Variants in INTU observed in about 807,000 individuals in gnomAD.
INTU encodes the protein inturned planar cell polarity protein.
INTU carries 68 observed loss-of-function variants against 100.5 expected under a neutral mutation model. The observed-to-expected ratio is 0.68, with a 90% CI of 0.56 to 0.83. The LOEUF (loss-of-function observed/expected upper bound fraction) is 0.83, where lower values mean the gene tolerates loss of function less well. Ranked by LOEUF, INTU falls within the 40% of genes least tolerant of loss-of-function variation. INTU has a pLI of 0.00. For synonymous variants in INTU, 357 were observed against 395.7 expected, an observed-to-expected ratio of 0.90 and a Z score of 1.16; for missense variants, 1,071 against 1,114.7, an observed-to-expected ratio of 0.96 and a Z score of 0.56.
chr4:127,715,580 A>G (rs979320719), intron 15 of INTU, among the ~76,000 whole-genome samples: 12 of 152,208 alleles, frequency 7.9e-5, no homozygotes, highest in African/African-American at 2.2e-4. Flanking sequence ...GCTTAATTCC[A>G]TGTAGTGTAA....
intron 1 of INTU, among the ~76,000 whole-genome samples, chr4:127,641,402 G>C (rs555195376): frequency 2.6e-5 from 4 of 152,114 alleles, no homozygotes; most frequent in Non-Finnish European, 4.4e-5. Flanking sequence ...ACTGCCAGTG[G>C]TTGTCCGTCT....
At chr4:127,656,534 G>C (rs1728234172) in intron 2 of INTU, 102 bp from the exon 3 acceptor site, 1 of 768,472 alleles carries the variant, frequency 1.3e-6, no homozygotes, top group Non-Finnish European at 2.2e-6. Flanking sequence ...ATTTCTCACT[G>C]TACTTTGAGG....
intron 2 of INTU, among the ~76,000 whole-genome samples, chr4:127,644,612 A>G (rs1727489263): frequency 6.6e-6 from 1 of 152,206 alleles, no homozygotes; most frequent in South Asian, 2.1e-4. Context: ...AATTTTCAAG[A>G]AAAATAAACC....
rs903681891 is a variant in INTU, at chr4:127,723,538, T to C, written c.*7102T>C. The C allele has an allele frequency of 1.3e-5, 2 of 152,192 alleles. No homozygotes were observed. The highest frequency in any genetic ancestry group is 2.9e-5 in the Non-Finnish European group (2 of 68,064). The allele number at this position is 152,192 out of a possible 1,614,324, so 9.4% of individuals were successfully genotyped here. On this transcript the variant is annotated 3_prime_UTR_variant, in exon 16 of 16. Transcript: ENST00000335251. ...AAGGGGGAAAGATGAAAATTAAACTTACTTTTTATTTATTTGATTCTCTTT... is the reference window on the plus strand; with the variant it reads ...AAGGGGGAAAGATGAAAATTAAACTCACTTTTTATTTATTTGATTCTCTTT...
intron 2 of INTU, among the ~76,000 whole-genome samples, chr4:127,648,682 G>A (rs1228398157): frequency 6.6e-6 from 1 of 152,190 alleles, no homozygotes; most frequent in East Asian, 1.9e-4. Context: ...TAGTCCAAAA[G>A]TGGTTTCATT....
Position 127,684,420 on chromosome 4 carries a change from C to G in INTU, c.1193C>G (p.Pro398Arg). ...IGLPAEEVPL[P>R]RLRNMIENVI... ...TTTTGCTTTTTTAGAGTTCCTCTTC[C>G]TCGTCTAAGGAACATGATAGAAAAT... The change falls in exon 7 of 16, where the codon CCT becomes CGT. Residue 398 changes from proline to arginine, a missense_variant. Pro to Arg is a moderately radical substitution (Grantham distance 103). Transcript: ENST00000335251. 6.3e-7 allele frequency: 1 copy of G among 1,596,334 alleles called. No homozygotes were observed. The highest frequency in any genetic ancestry group is 8.5e-7 in the Non-Finnish European group (1 of 1,170,650).
chr4:127,714,114 T>A (rs1353222681), intron 15 of INTU, 21 bp downstream of exon 15: 2 of 1,591,958 alleles, frequency 1.3e-6, no homozygotes, highest in African/African-American at 2.7e-5. Flanking sequence ...AAAAAAAGTA[T>A]TTGAAAGTAA....
Position 127,725,013 on chromosome 4 carries a change from C to CAGTTG in INTU, c.*8578_*8582dup, listed in dbSNP as rs1249892897. 1 of 151,652 alleles carries CAGTTG rather than the reference C, an allele frequency of 6.6e-6. No homozygotes were observed. Among genetic ancestry groups the CAGTTG allele is most frequent in the Non-Finnish European group, 1.5e-5 (1 of 68,000 alleles). The allele number at this position is 151,652 out of a possible 1,614,324, so 9.4% of individuals were successfully genotyped here. On this transcript the variant is annotated 3_prime_UTR_variant, in exon 16 of 16. Transcript: ENST00000335251. ...ACAGAAAATAGCTTGAGGCCAGGCA[C>CAGTTG]AGTTGCTCACACCTGTAACTCCAGC...
chr4:127,686,999 G>T (rs115608969), intron 7 of INTU: 1 of 151,992 alleles, frequency 6.6e-6, no homozygotes, highest in Non-Finnish European at 1.5e-5. Context: ...CAAGTATTTC[G>T]GTTTTTTCTG....
chr4:127,656,182 T>C (rs111537947), intron 2 of INTU, among the ~76,000 whole-genome samples: 9 of 152,172 alleles, frequency 5.9e-5, no homozygotes, highest in Non-Finnish European at 1.0e-4. Context: ...TCACCTGTCT[T>C]CTGCGTCGCT....
chr4:127,635,731 A>G (rs537560142), intron 1 of INTU, among the ~76,000 whole-genome samples: 2 of 152,340 alleles, frequency 1.3e-5, no homozygotes, highest in African/African-American at 4.8e-5. Context: ...ATGTTTTAAC[A>G]TGTATACGTC....
At chr4:127,715,922 A>C (rs1001210959) in intron 15 of INTU, among the ~76,000 whole-genome samples, 3 of 152,158 alleles carry the variant, frequency 2.0e-5, no homozygotes, top group Admixed American at 6.6e-5. Flanking sequence ...ATTCAGTTCT[A>C]TTTGCCAAAA....
At chr4:127,655,848 C>T (rs1255900483) in intron 2 of INTU, among the ~76,000 whole-genome samples, 11 of 152,064 alleles carry the variant, frequency 7.2e-5, no homozygotes, top group African/African-American at 1.9e-4. Context: ...AGTTTGATCT[C>T]AGACTGCTGT....
At chr4:127,695,046 G>A (rs994869803) in intron 8 of INTU, among the ~76,000 whole-genome samples, 1 of 152,126 alleles carries the variant, frequency 6.6e-6, no homozygotes, top group Admixed American at 6.6e-5. Context: ...GATTGGGATT[G>A]CATTGAATAT....
rs1254858907 is a variant in INTU at position 127,718,413 on chromosome 4, G to A, written c.*1977G>A. 1 of 152,146 alleles carries A rather than the reference G, an allele frequency of 6.6e-6. No individual in the cohort carries two copies. Among genetic ancestry groups the A allele is most frequent in the Non-Finnish European group, 1.5e-5 (1 of 68,014 alleles). 9.4% of individuals were successfully genotyped at this position (152,146 alleles called of 1,614,324 possible). On this transcript the variant is annotated 3_prime_UTR_variant, in exon 16 of 16. Transcript: ENST00000335251. ...TTACAGTACAGTTTGAAGTTTGGTA[G>A]TGTGATGCCTCCAGCTTTGATCTTT...
At chr4:127,691,402 T>C (rs577183989) in intron 8 of INTU, among the ~76,000 whole-genome samples, 1 of 152,298 alleles carries the variant, frequency 6.6e-6, no homozygotes, top group Non-Finnish European at 1.5e-5. Context: ...GTTCCTGTTG[T>C]TCCATATCCT....
At chr4:127,637,021 C>T (rs925884181) in intron 1 of INTU, among the ~76,000 whole-genome samples, 1 of 152,216 alleles carries the variant, frequency 6.6e-6, no homozygotes. Flanking sequence ...CATTTCTCCT[C>T]TAAGGCTACC....
chr4:127,682,009 A>G (rs1466227522), intron 6 of INTU, among the ~76,000 whole-genome samples: 2 of 151,404 alleles, frequency 1.3e-5, no homozygotes, highest in African/African-American at 4.9e-5. Context: ...AAAAATGCTC[A>G]TCATCACTGG....
intron 1 of INTU, among the ~76,000 whole-genome samples, chr4:127,642,316 T>C (rs1355288204): frequency 6.6e-6 from 1 of 152,250 alleles, no homozygotes. Flanking sequence ...ATGTTAGTTT[T>C]GATATTTTCA....
Sources: gnomAD v4.1 joint callset for allele counts (sites outside exome capture counted in the v4.1 genomes callset) on GRCh38, gnomAD v4.1.1 for gene constraint, MANE v1.5 for transcripts, NCBI Gene and HGNC (gene_info 2026-07-23, HGNC 2026-07-21) for gene names.